Variants in CREBBP observed in about 807,000 individuals in gnomAD.
CREBBP encodes CREB-binding protein.
CREBBP carries 19 observed loss-of-function variants against 265.0 expected under a neutral mutation model. The observed-to-expected ratio is 0.07, with a 90% confidence interval of 0.05 to 0.11. The LOEUF (loss-of-function observed/expected upper bound fraction) is 0.11, where lower values mean the gene tolerates loss of function less well. Among genes scored for constraint, CREBBP ranks in the 10% least tolerant of loss-of-function variants. CREBBP has a pLI of 1.00. For missense variants in CREBBP, 2,525 were observed against 3,219.0 expected, an observed-to-expected ratio of 0.78 and a Z score of 5.22; for synonymous variants, 1,457 against 1,223.7, an observed-to-expected ratio of 1.19 and a Z score of -3.98.
rs552343908 is a variant in CREBBP at position 3,807,569 on chromosome 16, G to T, written c.975+3034C>A. Among the ~76,000 whole-genome samples the T allele has an allele frequency of 6.6e-5, 10 of 152,286 alleles. No individual in the cohort carries two copies. In the East Asian group the frequency reaches 1.9e-3, roughly 29 times the overall value. ...CTGCAGACAAACTGTGTAAGCACGG[G>T]CTGGTGAAGCATTCCCGGCAGGCTC... On this transcript the variant is annotated intron_variant, in intron 3 of 30. Transcript: ENST00000262367.
At chr16:3,780,355 C>G (rs945968576) in intron 8 of CREBBP, among the ~76,000 whole-genome samples, 6 of 152,038 alleles carry the variant, frequency 3.9e-5, no homozygotes, top group Non-Finnish European at 8.8e-5. Flanking sequence ...TGAGGGGTCT[C>G]CACAACTAGA....
At chr16:3,836,173 C>T (rs1330439407) in intron 2 of CREBBP, among the ~76,000 whole-genome samples, 1 of 151,858 alleles carries the variant, frequency 6.6e-6, no homozygotes, top group African/African-American at 2.4e-5. Flanking sequence ...CGGTGGCTCA[C>T]ACCTGTAATC....
chr16:3,731,397 A>G lies in CREBBP; in HGVS notation c.4967T>C (p.Leu1656Pro), dbSNP rs1301614704. ...GCGCCCATCCATGAGGTCACAGCTG[A>G]GCAGGGGGTCGGGGTCGACGATGGG... Reference protein sequence around the residue: ...LPPIVDPDPLLSCDLMDGRDA... With the variant: ...LPPIVDPDPLPSCDLMDGRDA... Residue 1656 changes from leucine (L) to proline (P), a missense_variant, in exon 30 of 31, where the codon CTC (leucine) becomes CCC (proline). Leu to Pro is a moderately conservative substitution (Grantham distance 98). Coordinates refer to ENST00000262367, the MANE Select transcript of CREBBP (RefSeq NM_004380.3). This position sits in a 1 kb window ranked among gnomAD's most constrained non-coding sequence, Gnocchi z 7.7. The G allele has an allele frequency of 6.2e-7, 1 of 1,610,860 alleles. No individual in the cohort carries two copies. Among genetic ancestry groups the G allele is most frequent in the African/African-American group, 1.3e-5 (1 of 74,936 alleles).
intron 27 of CREBBP, 73 bp downstream of exon 27, chr16:3,736,577 G>GC: frequency 6.3e-7 from 1 of 1,591,034 alleles, no homozygotes; most frequent in Non-Finnish European, 8.6e-7. Flanking sequence ...GTATGCGAAT[G>GC]CAAGAAAAAG....
rs547916709 is a variant in CREBBP at position 3,803,158 on chromosome 16, A to AT, written c.975+7444dup. Reference sequence around the variant, plus strand: ...TCTTCTTTTTGCTTTGTGTTTATTGATTTTTTTTAAAAAAATAAGATTATC... The same window carrying AT: ...TCTTCTTTTTGCTTTGTGTTTATTGATTTTTTTTTAAAAAAATAAGATTATC... On this transcript the variant is annotated intron_variant, in intron 3 of 30. Coordinates refer to ENST00000262367, the MANE Select transcript of CREBBP (RefSeq NM_004380.3). 9.5e-4 allele frequency among the ~76,000 whole-genome samples: 143 copies of AT among 150,950 alleles called. 2 individuals are homozygous for AT. The highest frequency in any genetic ancestry group is 8.4e-3 in the South Asian group (40 of 4,754).
In CREBBP at chr16:3,767,954, T is replaced by A. The variant is rs750126564; in HGVS notation, c.3061-45A>T. ...ATAACATATGAATATCAAACACCTTTATGTTACCGCAACCTCACGGGAAGA... is the reference window on the plus strand; with the variant it reads ...ATAACATATGAATATCAAACACCTTAATGTTACCGCAACCTCACGGGAAGA... On this transcript the variant is annotated intron_variant, in intron 15 of 30. Coordinates refer to ENST00000262367, the MANE Select transcript of CREBBP (RefSeq NM_004380.3). 7 of 1,583,670 alleles carry A rather than the reference T, an allele frequency of 4.4e-6. No homozygotes were observed. In the African/African-American group the frequency reaches 8.1e-5, roughly 18 times the overall value.
chr16:3,812,559 A>C (rs1232370801), intron 2 of CREBBP, among the ~76,000 whole-genome samples: 1 of 151,482 alleles, frequency 6.6e-6, no homozygotes, highest in Non-Finnish European at 1.5e-5. Context: ...CAGGAATGGG[A>C]AAGAGGAACC....
chr16:3,728,358 T>G lies in CREBBP; in HGVS notation c.6689A>C (p.Gln2230Pro). Residue 2230 changes from glutamine (Q) to proline (P), a missense_variant, in exon 31 of 31, where the codon CAG (glutamine) becomes CCG (proline). Physicochemically the swap from Gln to Pro is moderately conservative, Grantham distance 76. Coordinates refer to ENST00000262367, the MANE Select transcript of CREBBP (RefSeq NM_004380.3). This position sits in a 1 kb window ranked among gnomAD's most constrained non-coding sequence, Gnocchi z 8.7. ...GMAGGMAGHG[Q>P]FQQPQGPGGY... ...TCCGGGTCCTTGAGGCTGCTGGAAC[T>G]GGCCGTGCCCCGCCATGCCCCCAGC... 6.2e-7 allele frequency: 1 copy of G among 1,609,686 alleles called. No homozygotes were observed. The highest frequency in any genetic ancestry group is 2.2e-5 in the East Asian group (1 of 44,646).
chr16:3,812,744 A>T (rs554110753), intron 2 of CREBBP, among the ~76,000 whole-genome samples: 16 of 152,194 alleles, frequency 1.1e-4, no homozygotes, highest in African/African-American at 3.4e-4. Flanking sequence ...ACTAATTAAG[A>T]AACTGGATGC....
chr16:3,773,961 A>G (rs764212627), intron 12 of CREBBP, 31 bp from the exon 13 acceptor site: 2 of 1,611,522 alleles, frequency 1.2e-6, no homozygotes, highest in Admixed American at 1.7e-5. Flanking sequence ...CCAGAGCTGT[A>G]GTTCGGAAGC....
In CREBBP at chr16:3,774,434, G is replaced by A. The variant is rs149779846; in HGVS notation, c.2283+135C>T. 235 of 1,182,998 alleles carry A rather than the reference G, an allele frequency of 2.0e-4. 1 individual carries two copies. In the African/African-American group the frequency reaches 3.2e-3, roughly 16 times the overall value. 73.3% of individuals were successfully genotyped at this position (1,182,998 alleles called of 1,614,324 possible). A position where few individuals can be genotyped will look rare whatever the true frequency, so the allele number is the denominator to read the frequency against. ...TAATAATTTTTTTAAAATGAGAGAT[G>A]AAAGAAATAAAGCATAACCCAAATT... On this transcript the variant is annotated intron_variant, in intron 12 of 30. Coordinates refer to ENST00000262367, the MANE Select transcript of CREBBP (RefSeq NM_004380.3).
chr16:3,782,587 A>G (rs2053296895), intron 6 of CREBBP, 97 bp downstream of exon 6: 1 of 1,506,688 alleles, frequency 6.6e-7, no homozygotes. Flanking sequence ...GTAGTAAAAA[A>G]CACAAAACAA....
At chr16:3,850,275 G>T (rs767068948) in intron 2 of CREBBP, 22 bp downstream of exon 2, 2 of 1,613,226 alleles carry the variant, frequency 1.2e-6, no homozygotes. Context: ...AGGAAGTATT[G>T]AAAGTGCTTC....
chr16:3,765,709 A>G (rs1440152188), intron 16 of CREBBP, among the ~76,000 whole-genome samples: 1 of 152,158 alleles, frequency 6.6e-6, no homozygotes, highest in Non-Finnish European at 1.5e-5. Flanking sequence ...GTACAGTGAC[A>G]TGATCAAGGC....
chr16:3,880,483 TCCG>T lies in CREBBP; in HGVS notation c.-570_-568del, dbSNP rs1167926630. On this transcript the variant is annotated 5_prime_UTR_variant, in exon 1 of 31. Coordinates refer to ENST00000262367, the MANE Select transcript of CREBBP (RefSeq NM_004380.3). ...CCGCCGCGGCCCCCCCACCCCCCGT[TCCG>T]CCGCCGCCGCCGCCGCTGCCGCCGC... 3.0e-4 allele frequency: 41 copies of T among 135,206 alleles called. No individual in the cohort carries two copies. Among genetic ancestry groups the T allele is most frequent in the Middle Eastern group, 4.3e-3 (1 of 234 alleles). The allele number at this position is 135,206 out of a possible 1,614,324, so 8.4% of individuals were successfully genotyped here. A position where few individuals can be genotyped will look rare whatever the true frequency, so the allele number is the denominator to read the frequency against.
chr16:3,862,743 G>C lies in CREBBP; in HGVS notation c.86-11734C>G, dbSNP rs961358911. 5.3e-5 allele frequency among the ~76,000 whole-genome samples: 8 copies of C among 152,218 alleles called. No homozygotes were observed. The South Asian group carries it at 8.3e-4, about 16-fold the overall frequency. ...CCTACCGAGGGGCTCCTGCCATCTTGAAGTTTTTCCCTTGAAGCTCCCCAC... is the reference window on the plus strand; with the variant it reads ...CCTACCGAGGGGCTCCTGCCATCTTCAAGTTTTTCCCTTGAAGCTCCCCAC... On this transcript the variant is annotated intron_variant, in intron 1 of 30. Coordinates refer to ENST00000262367, the MANE Select transcript of CREBBP (RefSeq NM_004380.3).
intron 2 of CREBBP, among the ~76,000 whole-genome samples, chr16:3,816,830 C>A (rs749916532): frequency 6.6e-6 from 1 of 152,168 alleles, no homozygotes; most frequent in African/African-American, 2.4e-5. Context: ...AGCGGAAGGA[C>A]CCAAATGAAT....
In CREBBP at chr16:3,850,998, A is replaced by G; in HGVS notation, c.97T>C (p.Leu33=). The G allele has an allele frequency of 6.2e-7, 1 of 1,614,062 alleles. No individual in the cohort carries two copies. The highest frequency in any genetic ancestry group is 1.1e-5 in the South Asian group (1 of 91,082). Residue 33 remains leucine, a synonymous_variant, in exon 2 of 31, where the codon TTG becomes CTG. Transcript: ENST00000262367. ...GGAAGATCATTTTCCAAGTCAAACA[A>G]TGATCCAAAATCTAGAAATTAAACA... The part of the protein sequence containing the change: ...SANDSTDFGS[L]FDLENDLPDE...
chr16:3,878,568 G>C (rs535065886), intron 1 of CREBBP, among the ~76,000 whole-genome samples: 4 of 152,246 alleles, frequency 2.6e-5, no homozygotes, highest in East Asian at 1.9e-4. Flanking sequence ...ACAAAATTCA[G>C]GTTTTGTTTC....
Sources: gnomAD v4.1 joint callset for allele counts (sites outside exome capture counted in the v4.1 genomes callset) on GRCh38, gnomAD v4.1.1 for gene constraint, Gnocchi (gnomAD v3.1) non-coding constraint, MANE v1.5 for transcripts, NCBI Gene and HGNC (gene_info 2026-07-23, HGNC 2026-07-21) for gene names.